Variants in TUSC3 observed in about 807,000 individuals in gnomAD.
The protein encoded by TUSC3 is dolichyl-diphosphooligosaccharide--protein glycosyltransferase subunit TUSC3.
A neutral mutation model predicts 44.8 loss-of-function variants in TUSC3; 45 were observed. The observed-to-expected ratio is 1.00, with a 90% CI of 0.79 to 1.29. The LOEUF is 1.29. Ranked by LOEUF, TUSC3 falls within the 50% of genes most tolerant of loss-of-function variation. The probability of loss-of-function intolerance (pLI) is 0.00; values close to 1 mark genes in which losing one functional copy is unlikely to be tolerated. For missense variants in TUSC3, 519 were observed against 437.9 expected (o/e 1.19, Z -1.65); for synonymous variants, 212 against 152.9 (o/e 1.39, Z -2.85).
intron 1 of TUSC3, among the ~76,000 whole-genome samples, chr8:15,449,523 C>T (rs924429649): frequency 2.0e-5 from 3 of 152,038 alleles, no homozygotes; most frequent in Admixed American, 6.6e-5. Flanking sequence ...CAGCTTCAGG[C>T]AGTTGGTTAA....
chr8:15,440,592 T>C (rs1800008085), intron 1 of TUSC3, among the ~76,000 whole-genome samples: 1 of 152,190 alleles, frequency 6.6e-6, no homozygotes, highest in African/African-American at 2.4e-5. Flanking sequence ...GCATAGCATC[T>C]TACAGGATGG....
rs187968317 is a variant in TUSC3 at position 15,522,203 on chromosome 8, G to C, written n.189+38720G>C. On this transcript the variant is annotated intron_variant and non_coding_transcript_variant, in intron 2 of 5. Transcript: ENST00000503191. ...GTTCCACCACAAGTCATGGGTAAGTGCTAGTAAGTCAATAAATAGTATTCA... is the reference window on the plus strand; with the variant it reads ...GTTCCACCACAAGTCATGGGTAAGTCCTAGTAAGTCAATAAATAGTATTCA... 5.9e-5 allele frequency among the ~76,000 whole-genome samples: 9 copies of C among 151,982 alleles called. No homozygotes were observed. The East Asian group carries it at 1.7e-3, about 29-fold the overall frequency.
chr8:15,826,176 T>C, the TUSC3 span, among the ~76,000 whole-genome samples: 11 of 152,250 alleles, frequency 7.2e-5, no homozygotes, highest in African/African-American at 2.6e-4. Flanking sequence ...TCTAAAATTT[T>C]AGGGCTTACT....
intron 7 of TUSC3, among the ~76,000 whole-genome samples, chr8:15,738,156 T>A (rs1811014199): frequency 6.6e-6 from 1 of 152,194 alleles, no homozygotes; most frequent in Non-Finnish European, 1.5e-5. Flanking sequence ...AGAAACATTC[T>A]GAGAAAGAGA....
At chr8:15,722,487 A>G (rs893332160) in intron 6 of TUSC3, among the ~76,000 whole-genome samples, 6 of 152,016 alleles carry the variant, frequency 3.9e-5, no homozygotes, top group African/African-American at 1.4e-4. Flanking sequence ...TCCATCTCCA[A>G]AAGGCTCAGT....
chr8:15,454,901 A>G (rs559046493), intron 1 of TUSC3, among the ~76,000 whole-genome samples: 2 of 131,996 alleles, frequency 1.5e-5, no homozygotes, highest in African/African-American at 6.5e-5. Context: ...CGTAAAGTAT[A>G]TCAGTTTAAA....
intron 5 of TUSC3, among the ~76,000 whole-genome samples, chr8:15,670,433 C>CA (rs1340235919): frequency 1.3e-5 from 2 of 151,816 alleles, no homozygotes; most frequent in African/African-American, 4.8e-5. Flanking sequence ...AGTGGCCTTG[C>CA]AGTGCAGTGA....
intron 1 of TUSC3, among the ~76,000 whole-genome samples, chr8:15,614,422 G>C (rs56130322): frequency 6.6e-6 from 1 of 152,096 alleles, no homozygotes; most frequent in Admixed American, 6.5e-5. Context: ...TCTTCAGTAA[G>C]ATATTTGTGA....
intron 2 of TUSC3, among the ~76,000 whole-genome samples, chr8:15,648,234 CAT>C (rs1806716114): frequency 6.6e-6 from 1 of 152,098 alleles, no homozygotes; most frequent in Non-Finnish European, 1.5e-5. Context: ...TTTGGGCAGT[CAT>C]ATTCGAAATC....
intron 1 of TUSC3, among the ~76,000 whole-genome samples, chr8:15,593,034 C>G (rs1803918147): frequency 6.6e-6 from 1 of 151,960 alleles, no homozygotes; most frequent in Non-Finnish European, 1.5e-5. Flanking sequence ...GATTCATTAG[C>G]CTATAGATAA....
chr8:15,788,371 A>T, the TUSC3 span, among the ~76,000 whole-genome samples: 1 of 151,730 alleles, frequency 6.6e-6, no homozygotes, highest in Non-Finnish European at 1.5e-5. Flanking sequence ...ACATGGGGAA[A>T]CCCCCTCTCT....
chr8:15,605,276 A>G (rs753854267), intron 1 of TUSC3, among the ~76,000 whole-genome samples: 5 of 151,922 alleles, frequency 3.3e-5, no homozygotes, highest in Non-Finnish European at 7.4e-5. Context: ...AGAGGAATCA[A>G]AATTACTTGT....
chr8:15,597,514 G>A (rs1804121207), intron 1 of TUSC3, among the ~76,000 whole-genome samples: 1 of 152,016 alleles, frequency 6.6e-6, no homozygotes, highest in Non-Finnish European at 1.5e-5. Context: ...TGAGCTTTAA[G>A]TTAAATAAAA....
intron 2 of TUSC3, among the ~76,000 whole-genome samples, chr8:15,515,660 A>G (rs75242617): frequency 0.035 from 5,347 of 152,006 alleles, 302 homozygotes; most frequent in African/African-American, 0.12. Flanking sequence ...AAATATATAT[A>G]TATGTATGTA....
chr8:15,498,295 G>A (rs1025252541), intron 2 of TUSC3, among the ~76,000 whole-genome samples: 1 of 152,170 alleles, frequency 6.6e-6, no homozygotes, highest in African/African-American at 2.4e-5. Flanking sequence ...TGGAGTTTCT[G>A]GAAGCTCTCA....
At chr8:15,518,629 A>G (rs1201350795) in intron 2 of TUSC3, among the ~76,000 whole-genome samples, 4 of 152,178 alleles carry the variant, frequency 2.6e-5, no homozygotes, top group South Asian at 2.1e-4. Flanking sequence ...TAGACATTAA[A>G]TGAACTGCAT....
intron 6 of TUSC3, among the ~76,000 whole-genome samples, 161 bp downstream of exon 6, chr8:15,673,997 TAC>T (rs113421840): frequency 6.6e-6 from 1 of 151,438 alleles, no homozygotes; most frequent in Non-Finnish European, 1.5e-5. Context: ...CACATGTGCA[TAC>T]ACACACACAC....
At chr8:15,780,263 T>G in the TUSC3 span, among the ~76,000 whole-genome samples, 1 of 152,162 alleles carries the variant, frequency 6.6e-6, no homozygotes, top group Non-Finnish European at 1.5e-5. Flanking sequence ...CACTTGGGCA[T>G]GGACCCCACC....
intron 1 of TUSC3, among the ~76,000 whole-genome samples, chr8:15,566,939 G>A (rs1802701621): frequency 6.6e-6 from 1 of 152,072 alleles, no homozygotes; most frequent in African/African-American, 2.4e-5. Flanking sequence ...TATTCTTACA[G>A]GTTGTAACAT....
Sources: gnomAD v4.1 joint callset for allele counts (sites outside exome capture counted in the v4.1 genomes callset) on GRCh38, gnomAD v4.1.1 for gene constraint, MANE v1.5 for transcripts, NCBI Gene and HGNC (gene_info 2026-07-23, HGNC 2026-07-21) for gene names.